Variants in RUNX1 observed in about 807,000 individuals in gnomAD.
The protein encoded by RUNX1 is runt-related transcription factor 1.
Under a neutral mutation model 42.8 loss-of-function variants are expected in RUNX1, and 19 were observed. The observed-to-expected ratio is 0.44, with a 90% CI of 0.31 to 0.65. RUNX1 has a LOEUF of 0.65. Among genes scored for constraint, RUNX1 ranks in the 30% least tolerant of loss-of-function variants. RUNX1 has a pLI of 0.07. For missense variants in RUNX1, 528 were observed against 672.0 expected (o/e 0.79, Z 2.37); for synonymous variants, 271 against 289.4 (o/e 0.94, Z 0.64).
At chr21:34,998,605 A>T (rs1360253469) in intron 2 of RUNX1, among the ~76,000 whole-genome samples, 1 of 151,760 alleles carries the variant, frequency 6.6e-6, no homozygotes, top group East Asian at 1.9e-4. Context: ...GTAGTGGCCC[A>T]GTCTCGGCTC....
chr21:34,865,960 C>CT (rs2057655420), intron 5 of RUNX1, among the ~76,000 whole-genome samples: 1 of 152,222 alleles, frequency 6.6e-6, no homozygotes, highest in South Asian at 2.1e-4. Flanking sequence ...CACCCCGTGT[C>CT]TGACGGGCGA....
chr21:34,996,471 C>G (rs971085838), intron 2 of RUNX1, among the ~76,000 whole-genome samples: 2 of 152,038 alleles, frequency 1.3e-5, no homozygotes, highest in Non-Finnish European at 2.9e-5. Flanking sequence ...TGCGTCTGAC[C>G]TTTTGTGTCT....
chr21:35,001,898 T>C (rs1450195519), intron 2 of RUNX1, among the ~76,000 whole-genome samples: 1 of 151,414 alleles, frequency 6.6e-6, no homozygotes, highest in Non-Finnish European at 1.5e-5. Flanking sequence ...CAAAATAACA[T>C]TGAAAAGAAC....
Position 34,882,898 on chromosome 21 carries a change from A to G in RUNX1, c.352-2185T>C, listed in dbSNP as rs149774553. The stretch of plus-strand genomic sequence containing the variant: ...ACCCAGGCTTCTCTATTGTAACTCA[A>G]CATTCAGCAGGTATACAGAGACTGC... On this transcript the variant is annotated intron_variant, in intron 4 of 8. Transcript: ENST00000675419. Among the ~76,000 whole-genome samples, 401 of 152,258 alleles carry G rather than the reference A, an allele frequency of 2.6e-3. 4 individuals are homozygous for G. Among genetic ancestry groups the G allele is most frequent in the African/African-American group, 9.0e-3 (375 of 41,548 alleles).
chr21:34,880,891 C>T (rs1401125492), intron 4 of RUNX1, among the ~76,000 whole-genome samples, 178 bp from the exon 5 acceptor site: 1 of 152,174 alleles, frequency 6.6e-6, no homozygotes, highest in East Asian at 1.9e-4. Context: ...AGAGAAGACA[C>T]TTTTTTATTA....
At chr21:34,957,735 C>A (rs991271052) in intron 2 of RUNX1, among the ~76,000 whole-genome samples, 4 of 152,182 alleles carry the variant, frequency 2.6e-5, no homozygotes, top group African/African-American at 9.7e-5. Flanking sequence ...GCACACACCT[C>A]CTCTGGCCAT....
intron 4 of RUNX1, among the ~76,000 whole-genome samples, chr21:34,882,206 A>T (rs950073229): frequency 6.6e-6 from 1 of 152,190 alleles, no homozygotes; most frequent in South Asian, 2.1e-4. Context: ...TATCGAAGTC[A>T]TGTTTCTCAA....
At chr21:35,038,599 C>CTG (rs1568806462) in intron 2 of RUNX1, 11 of 343,816 alleles carry the variant, frequency 3.2e-5, no homozygotes, top group African/African-American at 1.7e-4. Flanking sequence ...CTCTCTCTCT[C>CTG]TCTCTCTCTC....
chr21:34,883,156 G>C (rs1468399391), intron 4 of RUNX1, among the ~76,000 whole-genome samples: 1 of 152,026 alleles, frequency 6.6e-6, no homozygotes, highest in Non-Finnish European at 1.5e-5. Flanking sequence ...AACAAACATA[G>C]AATAAAATTA....
At chr21:34,938,803 A>G (rs1231309947) in intron 2 of RUNX1, among the ~76,000 whole-genome samples, 2 of 152,118 alleles carry the variant, frequency 1.3e-5, no homozygotes, top group African/African-American at 4.8e-5. Context: ...TTTTGCTTGC[A>G]CATAGAGTAG....
At chr21:34,923,302 C>T (rs961381481) in intron 2 of RUNX1, among the ~76,000 whole-genome samples, 2 of 152,118 alleles carry the variant, frequency 1.3e-5, no homozygotes, top group African/African-American at 4.8e-5. Flanking sequence ...AAATTGGGCT[C>T]CTTAAGAGGT....
At chr21:34,859,335 CT>C in intron 6 of RUNX1, 138 bp downstream of exon 6, 1 of 724,278 alleles carries the variant, frequency 1.4e-6, no homozygotes. Flanking sequence ...GACAATGCAA[CT>C]TTTTGGCTTT....
chr21:34,869,186 C>T (rs2057703303), intron 5 of RUNX1, among the ~76,000 whole-genome samples: 1 of 152,194 alleles, frequency 6.6e-6, no homozygotes, highest in Admixed American at 6.5e-5. Context: ...TCTCTCCCCT[C>T]CTCCCTCAGG....
chr21:35,036,717 A>G (rs1197153645), intron 2 of RUNX1, among the ~76,000 whole-genome samples: 1 of 152,070 alleles, frequency 6.6e-6, no homozygotes, highest in Non-Finnish European at 1.5e-5. Flanking sequence ...GTGCATCTCA[A>G]CTCTTGTTAT....
chr21:34,876,694 C>T (rs1429486394), intron 5 of RUNX1, among the ~76,000 whole-genome samples: 1 of 152,136 alleles, frequency 6.6e-6, no homozygotes, highest in East Asian at 1.9e-4. Context: ...CATCTTTCCT[C>T]CTGCAGCAAC....
At chr21:34,872,770 C>T (rs982085767) in intron 5 of RUNX1, among the ~76,000 whole-genome samples, 13 of 152,066 alleles carry the variant, frequency 8.5e-5, no homozygotes, top group Admixed American at 4.6e-4. Flanking sequence ...CATGGTAGGA[C>T]GTTTAGTAGA....
chr21:34,983,329 C>T (rs1274173048), intron 2 of RUNX1, among the ~76,000 whole-genome samples: 2 of 152,168 alleles, frequency 1.3e-5, no homozygotes, highest in Non-Finnish European at 1.5e-5. Context: ...TTCTCTCAAA[C>T]TCTTAACAGA....
intron 2 of RUNX1, among the ~76,000 whole-genome samples, chr21:34,949,927 G>C (rs772695671): frequency 1.5e-4 from 23 of 152,322 alleles, no homozygotes; most frequent in South Asian, 4.1e-4. Flanking sequence ...GGCATAAAGC[G>C]GATGATGGGG....
At chr21:34,796,913 C>T (rs1009644300) in intron 8 of RUNX1, among the ~76,000 whole-genome samples, 3 of 152,170 alleles carry the variant, frequency 2.0e-5, no homozygotes, top group East Asian at 1.9e-4. Context: ...AAGTCCCCAG[C>T]GCAGAAGGAA....
Sources: allele counts gnomAD v4.1 joint callset (sites outside exome capture counted in the v4.1 genomes callset), GRCh38; gene constraint gnomAD v4.1.1; transcripts MANE v1.5; gene names NCBI Gene and HGNC (gene_info 2026-07-23, HGNC 2026-07-21).